Variants in GPN2 observed in about 807,000 individuals in gnomAD.
The protein encoded by GPN2 is ATP-binding domain 1 family member B.
A neutral mutation model predicts 30.1 loss-of-function variants in GPN2; 27 were observed. The ratio of observed to expected loss-of-function variants is 0.90; its 90% CI spans 0.66 to 1.24. The LOEUF is 1.24. Among genes scored for constraint, GPN2 ranks in the 50% most tolerant of loss-of-function variants. GPN2 has a pLI of 0.00. For synonymous variants in GPN2, 212 were observed against 174.4 expected (o/e 1.22, Z -1.70); for missense variants, 406 against 405.4 (o/e 1.00, Z -0.01).
chr1:26,881,610 A>C (rs190474357), intron 4 of GPN2, among the ~76,000 whole-genome samples: 2 of 152,376 alleles, frequency 1.3e-5, no homozygotes, highest in Admixed American at 1.3e-4. Context: ...GCACACGCCC[A>C]TAGTCCTAGC....
chr1:26,882,920 A>C (rs1185620291), intron 4 of GPN2, among the ~76,000 whole-genome samples: 1 of 152,214 alleles, frequency 6.6e-6, no homozygotes, highest in African/African-American at 2.4e-5. Flanking sequence ...CCCACCGTCT[A>C]AGCCAGAGAT....
chr1:26,885,030 T>G (rs894886131), intron 3 of GPN2, among the ~76,000 whole-genome samples: 14 of 152,080 alleles, frequency 9.2e-5, no homozygotes, highest in Admixed American at 2.0e-4. Context: ...CTCATCCACA[T>G]ACAGTGATAA....
At chr1:26,885,759 T>G (rs2081887342) in intron 3 of GPN2, among the ~76,000 whole-genome samples, 1 of 152,048 alleles carries the variant, frequency 6.6e-6, no homozygotes, top group Non-Finnish European at 1.5e-5. Flanking sequence ...TTTTGTATTT[T>G]TAGTAGAGAC....
Position 26,879,768 on chromosome 1 carries a change from A to G in GPN2, c.861-19T>C. On this transcript the variant is annotated intron_variant, in intron 4 of 4. Coordinates refer to ENST00000374135, the MANE Select transcript of GPN2 (RefSeq NM_018066.4). ...CAGTGTGCTGAGGAAGGGTGCGTCA[A>G]GGCTGATAGCATAGGCAGAGGATGG... 1 of 1,595,130 alleles carries G rather than the reference A, an allele frequency of 6.3e-7. No homozygotes were observed. The highest frequency in any genetic ancestry group is 8.6e-7 in the Non-Finnish European group (1 of 1,163,420).
intron 2 of GPN2, among the ~76,000 whole-genome samples, chr1:26,887,920 G>A (rs1348082524): frequency 1.4e-5 from 2 of 148,040 alleles, no homozygotes; most frequent in East Asian, 2.0e-4. Context: ...GTGCAATGGC[G>A]AGATCTCGGC....
intron 2 of GPN2, 192 bp from the exon 3 acceptor site, chr1:26,886,325 G>C: frequency 1.6e-6 from 1 of 615,084 alleles, no homozygotes; most frequent in East Asian, 3.0e-5. Context: ...ATATAGGCAG[G>C]TATCTACTTC....
intron 2 of GPN2, among the ~76,000 whole-genome samples, chr1:26,886,809 C>T (rs2081893356): frequency 6.6e-6 from 1 of 150,560 alleles, no homozygotes; most frequent in African/African-American, 2.5e-5. Context: ...CACAGCAAGA[C>T]TCCGTCTCAA....
chr1:26,886,993 C>CAA (rs11309173), intron 2 of GPN2, among the ~76,000 whole-genome samples: 7 of 78,800 alleles, frequency 8.9e-5, no homozygotes, highest in South Asian at 4.7e-4. Flanking sequence ...AACTCTGTCT[C>CAA]AAAAAAAAAA....
chr1:26,876,681 T>A lies in GPN2; in HGVS notation c.*2996A>T, dbSNP rs1158363460. 2.0e-5 allele frequency: 3 copies of A among 152,180 alleles called. No individual in the cohort carries two copies. Among genetic ancestry groups the A allele is most frequent in the African/African-American group, 7.2e-5 (3 of 41,430 alleles). 9.4% of individuals were successfully genotyped at this position (152,180 alleles called of 1,614,324 possible). ...CTCACTTGGATCTCGGACATCTTCC[T>A]TTCTGCACTGTGCAGATCCCCTCAG... On this transcript the variant is annotated 3_prime_UTR_variant, in exon 5 of 5. Coordinates refer to ENST00000374135, the MANE Select transcript of GPN2 (RefSeq NM_018066.4).
At chr1:26,885,841 A>C in intron 3 of GPN2, 132 bp downstream of exon 3, 1 of 683,640 alleles carries the variant, frequency 1.5e-6, no homozygotes, top group Non-Finnish European at 2.6e-6. Flanking sequence ...GGCCTCCCAA[A>C]GTGCTAGGAT....
At chr1:26,882,862 C>T (rs1371672359) in intron 4 of GPN2, among the ~76,000 whole-genome samples, 1 of 152,244 alleles carries the variant, frequency 6.6e-6, no homozygotes, top group African/African-American at 2.4e-5. Flanking sequence ...ATCCATGTGA[C>T]AAACCTGCTC....
rs201400495 is a variant in GPN2, at chr1:26,889,977, C to T, written c.120G>A (p.Val40=). Reference sequence around the variant, plus strand: ...TGGCCGGGTCCAGGTTCACCACCGCCACGCGCCGGCCCAGCGCGCGCAGGA... The same window carrying T: ...TGGCCGGGTCCAGGTTCACCACCGCTACGCGCCGGCCCAGCGCGCGCAGGA... The part of the protein sequence containing the change: ...SEFLRALGRR[V]AVVNLDPANE... Residue 40 remains valine (V), a synonymous_variant, in exon 1 of 5, where the codon GTG becomes GTA. Transcript: ENST00000374135. The T allele has an allele frequency of 1.9e-6, 3 of 1,603,694 alleles. No homozygotes were observed. Among genetic ancestry groups the T allele is most frequent in the East Asian group, 4.5e-5 (2 of 44,850 alleles).
chr1:26,888,389 T>C (rs1178740188), intron 2 of GPN2, among the ~76,000 whole-genome samples: 1 of 152,196 alleles, frequency 6.6e-6, no homozygotes, highest in Non-Finnish European at 1.5e-5. Flanking sequence ...GGCTTGTGTC[T>C]TGATCTTGGA....
chr1:26,882,843 G>A (rs2081871310), intron 4 of GPN2, among the ~76,000 whole-genome samples: 1 of 152,176 alleles, frequency 6.6e-6, no homozygotes, highest in Non-Finnish European at 1.5e-5. Flanking sequence ...GCCAGCTCTT[G>A]TCCCTTTCAT....
rs774876923 is a variant in GPN2, at chr1:26,884,216, C to T, written c.804G>A (p.Gln268=). Residue 268 remains glutamine, a synonymous_variant, in exon 4 of 5, where the codon CAG becomes CAA. Coordinates refer to ENST00000374135, the MANE Select transcript of GPN2 (RefSeq NM_018066.4). The part of the protein sequence containing the change: ...ANGYCFRAQE[Q]RSLEAMMSAA... ...CAGACATCATGGCTTCCAAGCTTCG[C>T]TGCTCTTGGGCTCTGAAACAGTATC... 9.9e-6 allele frequency: 16 copies of T among 1,614,036 alleles called. No individual in the cohort carries two copies. The highest frequency in any genetic ancestry group is 1.2e-5 in the Non-Finnish European group (14 of 1,179,988).
intron 4 of GPN2, among the ~76,000 whole-genome samples, chr1:26,881,250 T>C (rs570426999): frequency 6.6e-6 from 1 of 152,342 alleles, no homozygotes; most frequent in Non-Finnish European, 1.5e-5. Context: ...TTAATACACA[T>C]AACCTACCAC....
rs956391868 is a variant in GPN2, at chr1:26,876,141, A to C, written c.*3536T>G. 11 of 152,198 alleles carry C rather than the reference A, an allele frequency of 7.2e-5. No homozygotes were observed. The highest frequency in any genetic ancestry group is 2.4e-4 in the African/African-American group (10 of 41,448). The allele number at this position is 152,198 out of a possible 1,614,324, so 9.4% of individuals were successfully genotyped here. A position where few individuals can be genotyped will look rare whatever the true frequency, so the allele number is the denominator to read the frequency against. ...GAGAATACACAAAATATACATTTGAATATAGAATTTATTTTTCTCTTAAAC... is the reference window on the plus strand; with the variant it reads ...GAGAATACACAAAATATACATTTGACTATAGAATTTATTTTTCTCTTAAAC... On this transcript the variant is annotated 3_prime_UTR_variant, in exon 5 of 5. Transcript: ENST00000374135.
At position 26,888,989 on chromosome 1, in the gene GPN2, A is replaced by C. The variant is rs149478053; in HGVS notation, c.548T>G (p.Ile183Ser). 1 of 1,614,078 alleles carries C rather than the reference A, an allele frequency of 6.2e-7. No homozygotes were observed. Among genetic ancestry groups the C allele is most frequent in the Non-Finnish European group, 8.5e-7 (1 of 1,180,028 alleles). Reference protein sequence around the residue: ...HINLLSKMDLIEHYGKLAFNL... With the variant: ...HINLLSKMDLSEHYGKLAFNL... ...CTTACCCAGCTTCCCATAATGCTCA[A>C]TGAGGTCCATCTTGGAAAGGAGGTT... Residue 183 changes from isoleucine to serine, a missense_variant, in exon 2 of 5, where the codon ATT becomes AGT. Ile to Ser is a moderately radical substitution (Grantham distance 142). Transcript: ENST00000374135.
At chr1:26,884,974 C>G (rs2081883308) in intron 3 of GPN2, among the ~76,000 whole-genome samples, 1 of 152,042 alleles carries the variant, frequency 6.6e-6, no homozygotes, top group Admixed American at 6.6e-5. Flanking sequence ...GAGTGAGACT[C>G]CGTCACAAAA....
Sources: allele counts gnomAD v4.1 joint callset (sites outside exome capture counted in the v4.1 genomes callset), GRCh38; gene constraint gnomAD v4.1.1; transcripts MANE v1.5; gene names NCBI Gene and HGNC (gene_info 2026-07-23, HGNC 2026-07-21).